The following HS6ST3 variants were observed in gnomAD, a reference collection of about 807,000 sequenced individuals.
HS6ST3 encodes the protein heparan-sulfate 6-O-sulfotransferase 3.
Under a neutral mutation model 36.7 loss-of-function variants are expected in HS6ST3, and 12 were observed. The observed-to-expected ratio is 0.33, with a 90% CI of 0.21 to 0.53. The LOEUF is 0.53. Among genes scored for constraint, HS6ST3 ranks in the 20% least tolerant of loss-of-function variants. HS6ST3 has a pLI of 0.95. For missense variants in HS6ST3, 584 were observed against 640.9 expected (o/e 0.91, Z 0.96); for synonymous variants, 240 against 257.5 (o/e 0.93, Z 0.65).
intron 1 of HS6ST3, among the ~76,000 whole-genome samples, chr13:96,678,351 C>A (rs1434918263): frequency 6.6e-6 from 1 of 152,080 alleles, no homozygotes; most frequent in Non-Finnish European, 1.5e-5. Context: ...CAAACCAAGA[C>A]AATTAGTATA....
chr13:96,674,797 C>T (rs560190445), intron 1 of HS6ST3, among the ~76,000 whole-genome samples: 4 of 152,232 alleles, frequency 2.6e-5, no homozygotes, highest in East Asian at 3.9e-4. Context: ...TCCTCCTATG[C>T]GTCATACACT....
At chr13:96,235,179 C>T (rs2054528365) in intron 1 of HS6ST3, among the ~76,000 whole-genome samples, 1 of 152,046 alleles carries the variant, frequency 6.6e-6, no homozygotes, top group African/African-American at 2.4e-5. Flanking sequence ...TCCCATAGTT[C>T]GTATGATATG....
intron 1 of HS6ST3, among the ~76,000 whole-genome samples, chr13:96,524,347 T>C (rs1356072352): frequency 2.0e-5 from 3 of 152,200 alleles, no homozygotes; most frequent in Non-Finnish European, 4.4e-5. Context: ...GTCTGTCCGT[T>C]GTCAGAGCTC....
At chr13:96,523,654 G>A (rs2056102578) in intron 1 of HS6ST3, among the ~76,000 whole-genome samples, 2 of 151,460 alleles carry the variant, frequency 1.3e-5, no homozygotes, top group East Asian at 1.9e-4. Flanking sequence ...CCACTTGATT[G>A]AATTGGCTAT....
intron 1 of HS6ST3, among the ~76,000 whole-genome samples, chr13:96,529,075 C>G (rs2056125767): frequency 6.6e-6 from 1 of 151,942 alleles, no homozygotes; most frequent in African/African-American, 2.4e-5. Context: ...ATTTCAAATA[C>G]AGTAGATATC....
intron 1 of HS6ST3, among the ~76,000 whole-genome samples, chr13:96,363,880 A>T (rs187985458): frequency 3.8e-4 from 58 of 152,250 alleles, no homozygotes; most frequent in African/African-American, 1.3e-3. Flanking sequence ...TTGAAATGAA[A>T]AAAGAGAACA....
chr13:96,397,841 T>G (rs1191987277), intron 1 of HS6ST3, among the ~76,000 whole-genome samples: 2 of 131,336 alleles, frequency 1.5e-5, no homozygotes, highest in Non-Finnish European at 3.3e-5. Flanking sequence ...CTCATTTCAT[T>G]TTCACAACAA....
At chr13:96,230,042 G>C (rs1301526602) in intron 1 of HS6ST3, among the ~76,000 whole-genome samples, 1 of 152,156 alleles carries the variant, frequency 6.6e-6, no homozygotes, top group African/African-American at 2.4e-5. Context: ...TTAGAGCATG[G>C]GAGGAACATG....
At chr13:96,506,730 C>G (rs1292717060) in intron 1 of HS6ST3, among the ~76,000 whole-genome samples, 1 of 152,114 alleles carries the variant, frequency 6.6e-6, no homozygotes, top group Non-Finnish European at 1.5e-5. Flanking sequence ...TACAGGTTAT[C>G]CATATGCTGG....
intron 1 of HS6ST3, chr13:96,427,414 A>G (rs2055592673): frequency 6.6e-6 from 1 of 152,174 alleles, no homozygotes; most frequent in African/African-American, 2.4e-5. Context: ...AGTTTATTTC[A>G]GGGAAGACTT....
chr13:96,799,500 A>G (rs1236444453), intron 1 of HS6ST3, among the ~76,000 whole-genome samples: 1 of 152,042 alleles, frequency 6.6e-6, no homozygotes, highest in African/African-American at 2.4e-5. Flanking sequence ...ATGAAATTGG[A>G]AATCATCATT....
intron 1 of HS6ST3, among the ~76,000 whole-genome samples, chr13:96,664,155 T>C (rs1473261616): frequency 6.6e-6 from 1 of 152,162 alleles, no homozygotes; most frequent in Non-Finnish European, 1.5e-5. Flanking sequence ...AATCAAGTTG[T>C]ATAAAAAGGA....
chr13:96,379,035 A>G (rs947069692), intron 1 of HS6ST3, among the ~76,000 whole-genome samples: 1 of 152,124 alleles, frequency 6.6e-6, no homozygotes, highest in Non-Finnish European at 1.5e-5. Flanking sequence ...GCTTGTGCAT[A>G]TCGAGCCTCC....
chr13:96,196,249 A>C (rs1327631), intron 1 of HS6ST3, among the ~76,000 whole-genome samples: 83,182 of 151,888 alleles, frequency 0.55, 23,257 homozygotes, highest in African/African-American at 0.66. Flanking sequence ...ACTCAAATCT[A>C]TCTTCTTATC....
intron 1 of HS6ST3, among the ~76,000 whole-genome samples, chr13:96,569,574 GA>G (rs2056293805): frequency 6.6e-6 from 1 of 151,636 alleles, no homozygotes; most frequent in Non-Finnish European, 1.5e-5. Flanking sequence ...AAAATGAAAA[GA>G]AAAAAACTGA....
intron 1 of HS6ST3, among the ~76,000 whole-genome samples, chr13:96,329,175 A>AT (rs2055050600): frequency 6.9e-6 from 1 of 144,932 alleles, no homozygotes; most frequent in African/African-American, 2.6e-5. Flanking sequence ...TTGTGTCTCT[A>AT]TTTCCTTCAG....
At chr13:96,557,661 A>T (rs142696968) in intron 1 of HS6ST3, among the ~76,000 whole-genome samples, 1 of 152,190 alleles carries the variant, frequency 6.6e-6, no homozygotes, top group Admixed American at 6.5e-5. Context: ...GAACTGCTGC[A>T]TGGGGCTAGG....
intron 1 of HS6ST3, among the ~76,000 whole-genome samples, chr13:96,188,225 G>A (rs1390018957): frequency 6.6e-6 from 1 of 152,186 alleles, no homozygotes; most frequent in Non-Finnish European, 1.5e-5. Flanking sequence ...ATATGTAGGT[G>A]TATTGGCTAT....
chr13:96,117,224 G>A (rs2053897929), intron 1 of HS6ST3, among the ~76,000 whole-genome samples: 1 of 152,144 alleles, frequency 6.6e-6, no homozygotes, highest in Non-Finnish European at 1.5e-5. Flanking sequence ...TAGCATGAAA[G>A]AGAATATTTT....
Sources: gnomAD v4.1 joint callset for allele counts (sites outside exome capture counted in the v4.1 genomes callset) on GRCh38, gnomAD v4.1.1 for gene constraint, MANE v1.5 for transcripts, NCBI Gene and HGNC (gene_info 2026-07-23, HGNC 2026-07-21) for gene names.